The following PWWP3B variants were observed in gnomAD, a reference collection of about 807,000 sequenced individuals.
The protein encoded by PWWP3B is PWWP domain-containing DNA repair factor 3B.
PWWP3B carries 5 observed loss-of-function variants against 15.7 expected under a neutral mutation model. The observed-to-expected ratio is 0.32, with a 90% CI of 0.17 to 0.67. PWWP3B has a LOEUF of 0.67. PWWP3B is among the 30% of genes least tolerant of loss of function. PWWP3B has a pLI of 0.74. For missense variants in PWWP3B, 519 were observed against 493.1 expected (o/e 1.05, Z -0.50); for synonymous variants, 203 against 179.8 (o/e 1.13, Z -1.03).
At position 106,191,061 on chromosome X, in the gene PWWP3B, G is replaced by GT. The variant is rs1297700114; in HGVS notation, c.-400-12918dup. ...TTGGTTCCATATGAACTTTAAAGTA[G>GT]TTTTTTCCAATTCTGTGAAGAAAGT... On this transcript the variant is annotated intron_variant, in intron 2 of 3. Coordinates refer to ENST00000357175, the MANE Select transcript of PWWP3B (RefSeq NM_001171020.2). Among the ~76,000 whole-genome samples, 3 of 109,797 alleles carry GT rather than the reference G, an allele frequency of 2.7e-5. No homozygotes were observed. In the Admixed American group the frequency reaches 2.9e-4, roughly 11 times the overall value.
intron 2 of PWWP3B, among the ~76,000 whole-genome samples, chrX:106,179,639 T>G (rs1922082085): frequency 9.0e-6 from 1 of 111,372 alleles, no homozygotes; most frequent in Non-Finnish European, 1.9e-5. Context: ...CCAAGCAGGG[T>G]AAGGGCCCTG....
chrX:106,175,485 C>T (rs1241934704), intron 2 of PWWP3B, among the ~76,000 whole-genome samples: 2 of 109,949 alleles, frequency 1.8e-5, no homozygotes, highest in Non-Finnish European at 3.8e-5. Flanking sequence ...CATGATCTGC[C>T]CACCTCGGCC....
In PWWP3B at chrX:106,168,342, G is replaced by A. The variant is rs955745169; in HGVS notation, c.-612G>A. ...GGAGCTGCATTACACACAGGCTTCG[G>A]AGGCTTCCGTGGAGAAGCTTGGAGG... On this transcript the variant is annotated 5_prime_UTR_variant, in exon 1 of 4. Transcript: ENST00000357175. 2 of 111,944 alleles carry A rather than the reference G, an allele frequency of 1.8e-5. No individual in the cohort carries two copies. The highest frequency in any genetic ancestry group is 3.8e-5 in the Non-Finnish European group (2 of 53,240). 9.2% of individuals were successfully genotyped at this position (111,944 alleles called of 1,213,427 possible). A position where few individuals can be genotyped will look rare whatever the true frequency, so the allele number is the denominator to read the frequency against.
intron 2 of PWWP3B, among the ~76,000 whole-genome samples, chrX:106,180,278 A>G (rs1922120551): frequency 1.8e-5 from 2 of 111,748 alleles, no homozygotes; most frequent in African/African-American, 3.3e-5. Context: ...ATACACACGT[A>G]TATTCATTCC....
At chrX:106,200,895 A>C (rs988450068) in intron 2 of PWWP3B, among the ~76,000 whole-genome samples, 1 of 109,488 alleles carries the variant, frequency 9.1e-6, no homozygotes, top group African/African-American at 3.3e-5. Flanking sequence ...AAAAATGCAA[A>C]AAATTAGCCA....
chrX:106,172,036 T>C (rs1921646996), intron 2 of PWWP3B, among the ~76,000 whole-genome samples: 1 of 111,424 alleles, frequency 9.0e-6, no homozygotes, highest in African/African-American at 3.3e-5. Flanking sequence ...TAATAGTATT[T>C]GTATATCCAA....
intron 2 of PWWP3B, among the ~76,000 whole-genome samples, chrX:106,203,655 CAT>C (rs1359958907): frequency 1.8e-5 from 2 of 112,133 alleles, no homozygotes; most frequent in African/African-American, 3.2e-5. Flanking sequence ...AAAAATTCCA[CAT>C]GATAACTGAT....
At chrX:106,204,667 T>C (rs1052720339) in intron 3 of PWWP3B, among the ~76,000 whole-genome samples, 11 of 112,307 alleles carry the variant, frequency 9.8e-5, no homozygotes, top group African/African-American at 3.6e-4. Flanking sequence ...GCTTAAAAAA[T>C]ACAAAGCTGT....
intron 2 of PWWP3B, among the ~76,000 whole-genome samples, chrX:106,187,923 G>T (rs1274588680): frequency 9.0e-6 from 1 of 111,691 alleles, no homozygotes; most frequent in Non-Finnish European, 1.9e-5. Flanking sequence ...CTCAGCTTCT[G>T]CTTTTAACTG....
At chrX:106,203,534 A>G (rs1278159750) in intron 2 of PWWP3B, among the ~76,000 whole-genome samples, 1 of 111,924 alleles carries the variant, frequency 8.9e-6, no homozygotes, top group Non-Finnish European at 1.9e-5. Context: ...TTTCCAGCCA[A>G]CCATTGTTAT....
intron 1 of PWWP3B, among the ~76,000 whole-genome samples, chrX:106,169,448 G>C (rs1015987249): frequency 9.0e-6 from 1 of 111,611 alleles, no homozygotes; most frequent in African/African-American, 3.2e-5. Context: ...AGATTCTTTT[G>C]GAAACGATAA....
chrX:106,205,793 G>A lies in PWWP3B; in HGVS notation c.361G>A (p.Val121Ile). 1.7e-6 allele frequency: 2 copies of A among 1,211,296 alleles called. No homozygotes were observed. The highest frequency in any genetic ancestry group is 2.2e-6 in the Non-Finnish European group (2 of 895,309). ...EEEITMLSQNVPQKQSDSPPH... is the reference protein window; with the variant it reads ...EEEITMLSQNIPQKQSDSPPH... ...GGAGATCACTATGCTGTCTCAAAATGTACCACAAAAACAGTCCGATTCACC... is the reference window on the plus strand; with the variant it reads ...GGAGATCACTATGCTGTCTCAAAATATACCACAAAAACAGTCCGATTCACC... Residue 121 changes from valine to isoleucine, a missense_variant, in exon 4 of 4, where the codon GTA becomes ATA. Coordinates refer to ENST00000357175, the MANE Select transcript of PWWP3B (RefSeq NM_001171020.2).
rs1444289295 is a variant in PWWP3B at position 106,207,389 on chromosome X, G to T, written c.1957G>T (p.Asp653Tyr). 2.6e-6 allele frequency: 3 copies of T among 1,173,384 alleles called. No homozygotes were observed. Among genetic ancestry groups the T allele is most frequent in the Non-Finnish European group, 3.4e-6 (3 of 875,906 alleles). The change falls in exon 4 of 4, where the codon GAT becomes TAT. Residue 653 changes from aspartate (D) to tyrosine (Y), a missense_variant. Transcript: ENST00000357175. ...AATTATTTGTTCAATTTCTGCTGTT[G>T]ATGGGTTAGATTACGAGGCAGCTGA... ...EAIICSISAV[D>Y]GLDYEAAEAK...
chrX:106,185,767 G>T (rs1922471386), intron 2 of PWWP3B, among the ~76,000 whole-genome samples: 1 of 112,152 alleles, frequency 8.9e-6, no homozygotes, highest in Admixed American at 9.4e-5. Flanking sequence ...CATGCCCTGA[G>T]GGAGGGAAGG....
At chrX:106,189,769 T>C (rs1244688088) in intron 2 of PWWP3B, among the ~76,000 whole-genome samples, 1 of 108,858 alleles carries the variant, frequency 9.2e-6, no homozygotes, top group Non-Finnish European at 1.9e-5. Flanking sequence ...AGGCGCCTGC[T>C]ACCACGCCCG....
chrX:106,202,913 C>T (rs2147636038), intron 2 of PWWP3B, among the ~76,000 whole-genome samples: 1 of 111,788 alleles, frequency 8.9e-6, no homozygotes, highest in African/African-American at 3.2e-5. Flanking sequence ...GGATTACTTG[C>T]ATAGTTGTAG....
chrX:106,189,772 C>T (rs1487917710), intron 2 of PWWP3B, among the ~76,000 whole-genome samples: 6 of 109,448 alleles, frequency 5.5e-5, no homozygotes, highest in Non-Finnish European at 1.1e-4. Context: ...CGCCTGCTAC[C>T]ACGCCCGGCT....
At chrX:106,199,520 T>A (rs1923575184) in intron 2 of PWWP3B, among the ~76,000 whole-genome samples, 1 of 111,593 alleles carries the variant, frequency 9.0e-6, no homozygotes, top group Non-Finnish European at 1.9e-5. Context: ...CACACGTCCC[T>A]AGTGAGTTGC....
chrX:106,173,284 T>A (rs1398791359), intron 2 of PWWP3B, among the ~76,000 whole-genome samples: 1 of 111,611 alleles, frequency 9.0e-6, no homozygotes, highest in Non-Finnish European at 1.9e-5. Context: ...ACAAAAACAA[T>A]GTCCCCGATA....
Sources: allele counts gnomAD v4.1 joint callset (sites outside exome capture counted in the v4.1 genomes callset), GRCh38; gene constraint gnomAD v4.1.1; transcripts MANE v1.5; gene names NCBI Gene and HGNC (gene_info 2026-07-23, HGNC 2026-07-21).